Variants in SOX5 observed in about 807,000 individuals in gnomAD.
SOX5 encodes the protein SRY-box transcription factor 5, also known as transcription factor SOX-5.
In SOX5, 9 loss-of-function variants were observed where a neutral mutation model predicts 92.0. The observed-to-expected ratio is 0.10, with a 90% CI of 0.06 to 0.17. The LOEUF is 0.17. SOX5 is among the 10% of genes least tolerant of loss of function. SOX5 has a pLI of 1.00. For missense variants in SOX5, 642 were observed against 944.5 expected, an observed-to-expected ratio of 0.68 and a Z score of 4.20; for synonymous variants, 344 against 336.3, an observed-to-expected ratio of 1.02 and a Z score of -0.25.
intron 3 of SOX5, among the ~76,000 whole-genome samples, chr12:23,790,291 A>T (rs904923139): frequency 6.6e-6 from 1 of 152,128 alleles, no homozygotes; most frequent in Non-Finnish European, 1.5e-5. Flanking sequence ...TTTCATAATC[A>T]TATCTTAAGT....
intron 6 of SOX5, among the ~76,000 whole-genome samples, chr12:23,714,525 G>A (rs1377331410): frequency 6.6e-6 from 1 of 152,204 alleles, no homozygotes; most frequent in African/African-American, 2.4e-5. Context: ...GGGAAGCTGA[G>A]GAACAGAATC....
At chr12:24,540,773 A>G (rs1280258046) in intron 1 of SOX5, among the ~76,000 whole-genome samples, 1 of 152,176 alleles carries the variant, frequency 6.6e-6, no homozygotes, top group Non-Finnish European at 1.5e-5. Flanking sequence ...AACAACATTA[A>G]TATGAATGCA....
intron 4 of SOX5, among the ~76,000 whole-genome samples, chr12:24,171,138 ATTTTTT>A (rs71059984): frequency 1.2e-5 from 1 of 85,176 alleles, no homozygotes; most frequent in Non-Finnish European, 2.2e-5. Context: ...CCCAAGATCT[ATTTTTT>A]TTTTTTTTTT....
At chr12:24,489,840 A>G (rs1334483934) in intron 1 of SOX5, among the ~76,000 whole-genome samples, 1 of 152,214 alleles carries the variant, frequency 6.6e-6, no homozygotes, top group African/African-American at 2.4e-5. Context: ...TTTCTCTTCC[A>G]CATCAGCTGG....
At chr12:24,108,089 G>C (rs1946890265) in intron 4 of SOX5, among the ~76,000 whole-genome samples, 1 of 152,126 alleles carries the variant, frequency 6.6e-6, no homozygotes, top group Non-Finnish European at 1.5e-5. Context: ...TTTGTGAAGG[G>C]GAAGTCTTTT....
At chr12:24,026,634 G>A (rs796560713) in intron 4 of SOX5, among the ~76,000 whole-genome samples, 5 of 150,022 alleles carry the variant, frequency 3.3e-5, no homozygotes, top group Non-Finnish European at 5.9e-5. Flanking sequence ...TTCACCAGGC[G>A]TGGTGGCACA....
chr12:23,954,525 G>T (rs916866348), upstream of SOX5, among the ~76,000 whole-genome samples: 5 of 151,918 alleles, frequency 3.3e-5, no homozygotes, highest in Non-Finnish European at 7.4e-5. Context: ...TTCACCAGAT[G>T]CCTGGTGAGC....
Position 24,132,723 on chromosome 12 carries a change from CA to C in SOX5, c.-2+80619del, listed in dbSNP as rs1448743139. ...AATTCTAGTTTTAAAATCAAACAAG[CA>C]AAAACGCCACCACCAAATGATGATG... is the stretch of plus-strand genomic sequence containing the variant. On this transcript the variant is annotated intron_variant, in intron 4 of 4. Coordinates refer to the SOX5 transcript ENST00000446891. Among the ~76,000 whole-genome samples, 24 of 152,004 alleles carry C rather than the reference CA, an allele frequency of 1.6e-4. 1 individual carries two copies. In the East Asian group the frequency reaches 4.5e-3, roughly 28 times the overall value.
intron 3 of SOX5, among the ~76,000 whole-genome samples, chr12:23,776,763 A>G (rs749758722): frequency 6.6e-6 from 1 of 152,126 alleles, no homozygotes. Flanking sequence ...TCGTGTGCCT[A>G]TAAGAATCTA....
At chr12:24,539,557 C>G (rs1378693315) in intron 1 of SOX5, among the ~76,000 whole-genome samples, 1 of 152,040 alleles carries the variant, frequency 6.6e-6, no homozygotes, top group African/African-American at 2.4e-5. Flanking sequence ...TTGTAATGCA[C>G]TAAAGCTGGA....
At chr12:24,071,727 C>T (rs1445296089) in intron 4 of SOX5, among the ~76,000 whole-genome samples, 2 of 152,148 alleles carry the variant, frequency 1.3e-5, no homozygotes, top group Non-Finnish European at 2.9e-5. Flanking sequence ...AGCCACTGCC[C>T]GGCTCAAGCC....
At chr12:23,790,563 C>G (rs904892051) in intron 3 of SOX5, among the ~76,000 whole-genome samples, 3 of 151,516 alleles carry the variant, frequency 2.0e-5, no homozygotes, top group African/African-American at 4.9e-5. Context: ...CACACACACA[C>G]ACACACACAC....
chr12:24,228,103 G>C (rs932351567), intron 3 of SOX5, among the ~76,000 whole-genome samples: 3 of 152,184 alleles, frequency 2.0e-5, no homozygotes, highest in African/African-American at 7.2e-5. Flanking sequence ...TGGTGTGCCC[G>C]GGTCTCAGAG....
chr12:23,941,702 A>G (rs1001169221), intron 1 of SOX5, among the ~76,000 whole-genome samples: 8 of 151,596 alleles, frequency 5.3e-5, no homozygotes, highest in African/African-American at 1.9e-4. Flanking sequence ...TTTTATATTC[A>G]GTTATCACTC....
rs570044927 is a variant in SOX5, at chr12:23,539,559, C to T, written c.1772-2890G>A. ...GAAGAATATAATAGTTGAGGTCTTTCGGTGGAAAGAGGAGTTAGACTAACT... is the reference window on the plus strand; with the variant it reads ...GAAGAATATAATAGTTGAGGTCTTTTGGTGGAAAGAGGAGTTAGACTAACT... On this transcript the variant is annotated intron_variant, in intron 13 of 14. Transcript: ENST00000451604. Among the ~76,000 whole-genome samples the T allele has an allele frequency of 4.5e-4, 65 of 144,224 alleles. No homozygotes were observed. In the South Asian group the frequency reaches 0.014, roughly 31 times the overall value. The allele number at this position is 144,224 out of a possible 152,430, so 94.6% of individuals were successfully genotyped here.
chr12:24,378,285 T>A (rs1412312590), intron 1 of SOX5, among the ~76,000 whole-genome samples: 1 of 152,252 alleles, frequency 6.6e-6, no homozygotes, highest in Non-Finnish European at 1.5e-5. Flanking sequence ...ATATTAATTT[T>A]AAAAATTCTA....
intron 3 of SOX5, among the ~76,000 whole-genome samples, chr12:24,260,410 A>T (rs569317634): frequency 1.2e-4 from 19 of 152,360 alleles, no homozygotes; most frequent in Admixed American, 9.8e-4. Context: ...GAGTTAATCC[A>T]TAGAAAAACA....
intron 1 of SOX5, among the ~76,000 whole-genome samples, chr12:24,424,808 T>G (rs6487387): frequency 0.95 from 131,174 of 138,166 alleles, 62,380 homozygotes; most frequent in Non-Finnish European, 0.99. Context: ...GTTTTTTTTT[T>G]GGGGGGGGGG....
chr12:23,601,245 T>A (rs935468052), intron 9 of SOX5, among the ~76,000 whole-genome samples: 5 of 152,136 alleles, frequency 3.3e-5, no homozygotes, highest in African/African-American at 1.2e-4. Context: ...CCTTCCATTT[T>A]TTGCAAATTG....
Sources: allele counts gnomAD v4.1 joint callset (sites outside exome capture counted in the v4.1 genomes callset), GRCh38; gene constraint gnomAD v4.1.1; transcripts MANE v1.5; gene names NCBI Gene and HGNC (gene_info 2026-07-23, HGNC 2026-07-21).